The following SLC23A2 variants were observed in gnomAD, a reference collection of about 807,000 sequenced individuals.
SLC23A2 encodes the protein Na(+)/L-ascorbic acid transporter 2.
Under a neutral mutation model 73.3 loss-of-function variants are expected in SLC23A2, and 36 were observed. The observed-to-expected ratio is 0.49, with a 90% confidence interval of 0.38 to 0.65. SLC23A2 has a LOEUF of 0.65. SLC23A2 is among the 30% of genes least tolerant of loss of function. The probability of loss-of-function intolerance (pLI) is 0.00; values close to 1 mark genes in which losing one functional copy is unlikely to be tolerated. For synonymous variants in SLC23A2, 343 were observed against 327.3 expected (o/e 1.05, Z -0.52); for missense variants, 507 against 841.6 (o/e 0.60, Z 4.92).
chr20:4,864,165 T>C (rs914559174), intron 13 of SLC23A2, among the ~76,000 whole-genome samples: 4 of 152,198 alleles, frequency 2.6e-5, no homozygotes, highest in Admixed American at 6.5e-5. Context: ...TGGGGGAGTA[T>C]CCACAAGGAT....
rs773937397 is a variant in SLC23A2 at position 4,862,955 on chromosome 20, A to C, written c.1357-48T>G. 72 of 1,580,214 alleles carry C rather than the reference A, an allele frequency of 4.6e-5. No individual in the cohort carries two copies. In the East Asian group the frequency reaches 1.6e-3, roughly 36 times the overall value. On this transcript the variant is annotated intron_variant, in intron 13 of 16. Transcript: ENST00000338244. This position sits in a 1 kb window ranked among gnomAD's most constrained non-coding sequence, Gnocchi z 5.1. ...GGAAACAGGGACTCATCTCCATGCA[A>C]AATCACCGTAAGTTACTAAAGAACA...
chr20:4,947,184 G>A lies in SLC23A2; in HGVS notation c.-154-14468C>T, dbSNP rs6038017. ...CTTCCTGTCCGCTCCCCACCAGAATGAGATGGCAGCAGGGACACAGTGTCC... is the reference window on the plus strand; with the variant it reads ...CTTCCTGTCCGCTCCCCACCAGAATAAGATGGCAGCAGGGACACAGTGTCC... On this transcript the variant is annotated intron_variant, in intron 2 of 16. Transcript: ENST00000338244. The surrounding 1 kb of genome is among the most constrained non-coding windows in gnomAD (Gnocchi z 4.4). Among the ~76,000 whole-genome samples the A allele has an allele frequency of 0.022, 3,350 of 152,242 alleles. 130 individuals are homozygous for A. The highest frequency in any genetic ancestry group is 0.075 in the African/African-American group (3,125 of 41,548).
chr20:4,919,998 C>T (rs1932450946), intron 3 of SLC23A2, among the ~76,000 whole-genome samples: 1 of 152,212 alleles, frequency 6.6e-6, no homozygotes, highest in Non-Finnish European at 1.5e-5. Context: ...CGGTGGCTCA[C>T]GCCTGTAATC....
chr20:4,910,249 C>A (rs749913968), intron 4 of SLC23A2, among the ~76,000 whole-genome samples: 3 of 151,974 alleles, frequency 2.0e-5, no homozygotes, highest in Non-Finnish European at 4.4e-5. Flanking sequence ...TGATGGCGTG[C>A]GCCTCTGGTC....
At chr20:5,004,500 A>G (rs2088168159), upstream of SLC23A2, among the ~76,000 whole-genome samples, 1 of 152,162 alleles carries the variant, frequency 6.6e-6, no homozygotes, top group Non-Finnish European at 1.5e-5. Flanking sequence ...CAGAGCACAG[A>G]ACTGATAATC....
In SLC23A2 at chr20:4,861,486, T is replaced by C. The variant is rs538910828; in HGVS notation, c.1624+462A>G. On this transcript the variant is annotated intron_variant, in intron 15 of 16. Transcript: ENST00000338244. ...CTTCCTTTCTACATTCCTCAGGACA[T>C]TGCAGTGTTAAAACAAAAGGAGGAG... Among the ~76,000 whole-genome samples, 5 of 152,346 alleles carry C rather than the reference T, an allele frequency of 3.3e-5. No individual in the cohort carries two copies. The East Asian group carries it at 9.6e-4, about 29-fold the overall frequency.
intron 3 of SLC23A2, among the ~76,000 whole-genome samples, chr20:4,923,254 CAGGGAGGGAGGGAGGG>C (rs548046848): frequency 8.1e-5 from 4 of 49,520 alleles, no homozygotes; most frequent in East Asian, 5.0e-4. Flanking sequence ...GGGAGGGAGG[CAGGGAGGGAGGGAGGG>C]AGGGAGGGAG....
chr20:4,908,022 A>T (rs1054167168), intron 4 of SLC23A2, among the ~76,000 whole-genome samples: 2 of 152,218 alleles, frequency 1.3e-5, no homozygotes, highest in African/African-American at 4.8e-5. Flanking sequence ...GTCAGAGACT[A>T]GAATGAAAAA....
intron 3 of SLC23A2, among the ~76,000 whole-genome samples, chr20:4,923,724 A>G (rs1450423793): frequency 6.6e-6 from 1 of 152,202 alleles, no homozygotes; most frequent in Admixed American, 6.5e-5. Context: ...TTAGGGATGT[A>G]CAAAAAGGAA....
chr20:4,990,432 C>T (rs937468145), intron 1 of SLC23A2, among the ~76,000 whole-genome samples: 4 of 151,804 alleles, frequency 2.6e-5, no homozygotes, highest in African/African-American at 9.7e-5. Flanking sequence ...TGCAGTGGCG[C>T]GATCTCGACT....
intron 2 of SLC23A2, among the ~76,000 whole-genome samples, chr20:4,941,493 A>G (rs539153913): frequency 3.4e-4 from 51 of 152,206 alleles, no homozygotes; most frequent in Non-Finnish European, 5.6e-4. Context: ...ACCTGAGGTC[A>G]GGAGTTCGAA....
chr20:4,990,991 A>C (rs995211547), intron 1 of SLC23A2, among the ~76,000 whole-genome samples: 10 of 151,020 alleles, frequency 6.6e-5, no homozygotes, highest in African/African-American at 2.2e-4. Context: ...AAAAAAAAAA[A>C]CAACCCACAG....
intron 15 of SLC23A2, among the ~76,000 whole-genome samples, chr20:4,860,388 C>T (rs1286232117): frequency 5.3e-5 from 8 of 152,172 alleles, no homozygotes; most frequent in Non-Finnish European, 8.8e-5. Context: ...CTATGTAGTG[C>T]CATGTCTGTC....
chr20:4,976,685 A>G (rs1392406969), intron 1 of SLC23A2, among the ~76,000 whole-genome samples: 1 of 148,866 alleles, frequency 6.7e-6, no homozygotes, highest in Admixed American at 6.7e-5. Context: ...CAAAAAAAAA[A>G]GAGAGTCTGC....
chr20:4,906,647 CCAAAAAA>C (rs1568618445), intron 4 of SLC23A2, among the ~76,000 whole-genome samples: 1 of 151,908 alleles, frequency 6.6e-6, no homozygotes, highest in Non-Finnish European at 1.5e-5. Context: ...CAACAAAAAA[CCAAAAAA>C]CAAAAAACCC....
rs527312458 is a variant in SLC23A2, at chr20:4,899,799, C to T, written c.325-87G>A. On this transcript the variant is annotated intron_variant, in intron 5 of 16. Transcript: ENST00000338244. The surrounding 1 kb of genome is among the most constrained non-coding windows in gnomAD (Gnocchi z 4.9). ...CATCCTAATTCTTCTCTCTTATTGT[C>T]GTTAAAAAATAGCCCACATAAAGAA... 45 of 1,375,788 alleles carry T rather than the reference C, an allele frequency of 3.3e-5. No homozygotes were observed. Among genetic ancestry groups the T allele is most frequent in the East Asian group, 1.4e-4 (6 of 43,062 alleles). 85.2% of individuals were successfully genotyped at this position (1,375,788 alleles called of 1,614,324 possible).
At chr20:4,926,348 C>T (rs758313914) in intron 3 of SLC23A2, among the ~76,000 whole-genome samples, 1 of 152,162 alleles carries the variant, frequency 6.6e-6, no homozygotes, top group African/African-American at 2.4e-5. Flanking sequence ...GTGTCACAGC[C>T]GTGCCTGTGC....
rs1040160779 is a variant in SLC23A2 at position 4,965,150 on chromosome 20, A to T, written c.-155+5643T>A. Among the ~76,000 whole-genome samples, 4 of 152,138 alleles carry T rather than the reference A, an allele frequency of 2.6e-5. No individual in the cohort carries two copies. In the South Asian group the frequency reaches 8.3e-4, roughly 32 times the overall value. On this transcript the variant is annotated intron_variant, in intron 2 of 16. Coordinates refer to ENST00000338244, the MANE Select transcript of SLC23A2 (RefSeq NM_005116.6). ...GAAAAAACACCCTATTGATATAGTC[A>T]GTGTGCTCCCGGAGAGAGCGCTGGG... is the stretch of plus-strand genomic sequence containing the variant.
intron 15 of SLC23A2, among the ~76,000 whole-genome samples, chr20:4,861,409 T>G (rs757800409): frequency 3.3e-5 from 5 of 152,234 alleles, no homozygotes; most frequent in Non-Finnish European, 5.9e-5. Context: ...ACTCCTCAAT[T>G]CTGCACTGGC....
Sources: gnomAD v4.1 joint callset for allele counts (sites outside exome capture counted in the v4.1 genomes callset) on GRCh38, gnomAD v4.1.1 for gene constraint, Gnocchi (gnomAD v3.1) non-coding constraint, MANE v1.5 for transcripts, NCBI Gene and HGNC (gene_info 2026-07-23, HGNC 2026-07-21) for gene names.